C16orf87: variants seen among roughly 807,000 people sequenced by gnomAD.
C16orf87 encodes the protein HDAC and MIER1 interacting protein 1.
C16orf87 carries 13 observed loss-of-function variants against 21.0 expected under a neutral mutation model. The observed-to-expected ratio is 0.62, with a 90% CI of 0.40 to 0.98. The LOEUF is 0.98. Among genes scored for constraint, C16orf87 ranks in the 50% least tolerant of loss-of-function variants. The pLI, the probability that C16orf87 is intolerant of heterozygous loss-of-function variation, is 0.00. For missense variants in C16orf87, 113 were observed against 180.4 expected, an observed-to-expected ratio of 0.63 and a Z score of 2.14; for synonymous variants, 49 against 60.2, an observed-to-expected ratio of 0.81 and a Z score of 0.86.
Position 46,799,007 on chromosome 16 carries a change from G to T in C16orf87, c.*3945C>A, listed in dbSNP as rs557080178. ...CCCTACAACTGGATCAAGGCAAAAA[G>T]TCCCAACCAGTGCAATAAGGCAAAG... On this transcript the variant is annotated 3_prime_UTR_variant, in exon 4 of 4. Transcript: ENST00000285697. 1 of 152,148 alleles carries T rather than the reference G, an allele frequency of 6.6e-6. No individual in the cohort carries two copies. Among genetic ancestry groups the T allele is most frequent in the African/African-American group, 2.4e-5 (1 of 41,524 alleles). The allele number at this position is 152,148 out of a possible 1,614,324, so 9.4% of individuals were successfully genotyped here.
rs1967755373 is a variant in C16orf87, at chr16:46,801,012, G to C, written c.*1940C>G. ...CCTGTAATGGTCTTCAGCTTTAAAT[G>C]GATAGACTCTGACATCGATAATTCC... On this transcript the variant is annotated 3_prime_UTR_variant, in exon 4 of 4. Transcript: ENST00000285697. The C allele has an allele frequency of 6.6e-6, 1 of 152,138 alleles. No individual in the cohort carries two copies. The highest frequency in any genetic ancestry group is 2.4e-5 in the African/African-American group (1 of 41,428). The allele number at this position is 152,138 out of a possible 1,614,324, so 9.4% of individuals were successfully genotyped here. A position where few individuals can be genotyped will look rare whatever the true frequency, so the allele number is the denominator to read the frequency against.
intron 2 of C16orf87, among the ~76,000 whole-genome samples, chr16:46,814,205 G>C (rs1968177140): frequency 6.6e-6 from 1 of 152,226 alleles, no homozygotes; most frequent in African/African-American, 2.4e-5. Flanking sequence ...AAAAATAGGA[G>C]TAAGTGATAG....
At chr16:46,806,486 C>T (rs942383609) in intron 3 of C16orf87, among the ~76,000 whole-genome samples, 2 of 152,026 alleles carry the variant, frequency 1.3e-5, no homozygotes, top group Non-Finnish European at 2.9e-5. Context: ...GTCTTGATCT[C>T]TTGACCTCAT....
chr16:46,830,681 C>T (rs920782068), intron 1 of C16orf87: 3 of 169,304 alleles, frequency 1.8e-5, no homozygotes, highest in Non-Finnish European at 3.8e-5. Context: ...GAGGGGTTCT[C>T]GGAGCTAGGG....
intron 2 of C16orf87, among the ~76,000 whole-genome samples, chr16:46,811,095 A>G (rs1294717734): frequency 6.6e-6 from 1 of 152,210 alleles, no homozygotes; most frequent in Non-Finnish European, 1.5e-5. Context: ...GAGGTTTCTC[A>G]TATTAAAGCT....
Position 46,831,138 on chromosome 16 carries a change from A to G in C16orf87, c.12T>C (p.Thr4=). 2 of 1,576,224 alleles carry G rather than the reference A, an allele frequency of 1.3e-6. No homozygotes were observed. The highest frequency in any genetic ancestry group is 8.6e-7 in the Non-Finnish European group (1 of 1,159,366). MSA[T]RAKKVKMATK... is the part of the protein sequence containing the mutation. The stretch of plus-strand genomic sequence containing the variant: ...TGGCCATCTTCACTTTCTTGGCTCG[A>G]GTTGCAGACATGCTCCTCTCCCTTA... Residue 4 remains threonine, a synonymous_variant, in exon 1 of 4, where the codon ACT becomes ACC. Transcript: ENST00000285697.
rs1038978566 is a variant in C16orf87 at position 46,797,871 on chromosome 16, T to C, written c.*5081A>G. 2 of 151,934 alleles carry C rather than the reference T, an allele frequency of 1.3e-5. No individual in the cohort carries two copies. Among genetic ancestry groups the C allele is most frequent in the African/African-American group, 4.8e-5 (2 of 41,388 alleles). 9.4% of individuals were successfully genotyped at this position (151,934 alleles called of 1,614,324 possible). ...TAAATTACAATCAGTAACAGAAAGA[T>C]AACTGAAAAAAACTCTAAATATTTG... is the stretch of plus-strand genomic sequence containing the variant. On this transcript the variant is annotated 3_prime_UTR_variant, in exon 4 of 4. Transcript: ENST00000285697.
chr16:46,805,249 T>C (rs1967895321), intron 3 of C16orf87, among the ~76,000 whole-genome samples: 1 of 152,212 alleles, frequency 6.6e-6, no homozygotes, highest in Non-Finnish European at 1.5e-5. Context: ...TATTTACAGA[T>C]GTCAGACCTC....
intron 3 of C16orf87, among the ~76,000 whole-genome samples, chr16:46,805,531 T>C (rs1221686497): frequency 6.6e-6 from 1 of 152,178 alleles, no homozygotes; most frequent in Non-Finnish European, 1.5e-5. Context: ...TAATAGTAGT[T>C]TATAGTTTTT....
At chr16:46,807,224 T>C (rs1301535961) in intron 3 of C16orf87, among the ~76,000 whole-genome samples, 1 of 152,162 alleles carries the variant, frequency 6.6e-6, no homozygotes, top group Non-Finnish European at 1.5e-5. Context: ...AAGGATCCCT[T>C]GAGCCCAGGA....
At chr16:46,818,462 G>A (rs1030403569) in intron 2 of C16orf87, among the ~76,000 whole-genome samples, 6 of 152,198 alleles carry the variant, frequency 3.9e-5, no homozygotes, top group African/African-American at 1.4e-4. Context: ...GTGAAAAAAG[G>A]AGGAGGTTAT....
At chr16:46,823,397 C>T (rs558523361) in intron 2 of C16orf87, among the ~76,000 whole-genome samples, 71 of 152,220 alleles carry the variant, frequency 4.7e-4, no homozygotes, top group East Asian at 3.5e-3. Context: ...ACTCTTATTT[C>T]GAGGTCACCA....
In C16orf87 at chr16:46,801,145, CAA is replaced by C. The variant is rs994592270; in HGVS notation, c.*1805_*1806del. The C allele has an allele frequency of 6.6e-6, 1 of 152,128 alleles. No homozygotes were observed. The highest frequency in any genetic ancestry group is 1.5e-5 in the Non-Finnish European group (1 of 68,016). 9.4% of individuals were successfully genotyped at this position (152,128 alleles called of 1,614,324 possible). On this transcript the variant is annotated 3_prime_UTR_variant, in exon 4 of 4. Transcript: ENST00000285697. The stretch of plus-strand genomic sequence containing the variant: ...ATTTTTAAGCTTTTTTACTTAAAAT[CAA>C]AAGTTTCCTTACAGTATGTTTCAAA...
chr16:46,825,994 C>G (rs1959604750), intron 1 of C16orf87, among the ~76,000 whole-genome samples: 1 of 150,674 alleles, frequency 6.6e-6, no homozygotes, highest in South Asian at 2.1e-4. Flanking sequence ...TTCTTTCTAA[C>G]AACAACCAGT....
At chr16:46,827,389 T>A (rs905209388) in intron 1 of C16orf87, among the ~76,000 whole-genome samples, 2 of 152,152 alleles carry the variant, frequency 1.3e-5, no homozygotes, top group African/African-American at 4.8e-5. Context: ...CACACTAAAG[T>A]TTCTTTAAAT....
intron 2 of C16orf87, among the ~76,000 whole-genome samples, chr16:46,820,821 G>A (rs576754069): frequency 2.9e-4 from 44 of 152,302 alleles, no homozygotes; most frequent in Non-Finnish European, 5.7e-4. Context: ...CCCACCAACA[G>A]TATGAGACTA....
chr16:46,819,927 G>A (rs1959345972), intron 2 of C16orf87, among the ~76,000 whole-genome samples: 1 of 151,764 alleles, frequency 6.6e-6, no homozygotes, highest in South Asian at 2.1e-4. Context: ...AGGTTGTGGT[G>A]AGCCAATATT....
chr16:46,820,822 T>C (rs1385934011), intron 2 of C16orf87, among the ~76,000 whole-genome samples: 1 of 152,236 alleles, frequency 6.6e-6, no homozygotes, highest in African/African-American at 2.4e-5. Context: ...CCACCAACAG[T>C]ATGAGACTAT....
chr16:46,799,373 T>C lies in C16orf87; in HGVS notation c.*3579A>G, dbSNP rs1168655251. On this transcript the variant is annotated 3_prime_UTR_variant, in exon 4 of 4. Transcript: ENST00000285697. ...AAATGTAAAAATGAAGCTTGTCATG[T>C]AGTAAAAGAAAAAACCCAGCTGCAC... is the stretch of plus-strand genomic sequence containing the variant. 1.3e-5 allele frequency: 2 copies of C among 152,146 alleles called. No homozygotes were observed. Among genetic ancestry groups the C allele is most frequent in the Non-Finnish European group, 2.9e-5 (2 of 68,030 alleles). 9.4% of individuals were successfully genotyped at this position (152,146 alleles called of 1,614,324 possible). A position where few individuals can be genotyped will look rare whatever the true frequency, so the allele number is the denominator to read the frequency against.
Sources: gnomAD v4.1 joint callset for allele counts (sites outside exome capture counted in the v4.1 genomes callset) on GRCh38, gnomAD v4.1.1 for gene constraint, MANE v1.5 for transcripts, NCBI Gene and HGNC (gene_info 2026-07-23, HGNC 2026-07-21) for gene names.